The following EEA1 variants were observed in gnomAD, a reference collection of about 807,000 sequenced individuals.
EEA1 encodes the protein early endosome antigen 1, also known as early endosome antigen 1, 162kD.
A neutral mutation model predicts 209.2 loss-of-function variants in EEA1; 111 were observed. The observed-to-expected ratio is 0.53, with a 90% CI of 0.45 to 0.62. The LOEUF (loss-of-function observed/expected upper bound fraction) is 0.62. Among genes scored for constraint, EEA1 ranks in the 20% least tolerant of loss-of-function variants. The probability of loss-of-function intolerance (pLI) is 0.00; values close to 1 mark genes in which losing one functional copy is unlikely to be tolerated. For missense variants in EEA1, 1,343 were observed against 1,530.8 expected, an observed-to-expected ratio of 0.88 and a Z score of 2.05; for synonymous variants, 536 against 540.6, an observed-to-expected ratio of 0.99 and a Z score of 0.12.
chr12:92,814,630 T>A (rs939681060), intron 15 of EEA1, among the ~76,000 whole-genome samples: 2 of 152,178 alleles, frequency 1.3e-5, no homozygotes, highest in African/African-American at 4.8e-5. Flanking sequence ...TGGCTATTCA[T>A]ATAGCCAGCC....
intron 1 of EEA1, among the ~76,000 whole-genome samples, chr12:92,926,943 G>C (rs1428383123): frequency 6.6e-6 from 1 of 152,130 alleles, no homozygotes; most frequent in African/African-American, 2.4e-5. Context: ...CAAACAGCCT[G>C]TGAGTTCTAA....
chr12:92,867,405 C>A (rs1367602011), intron 2 of EEA1, among the ~76,000 whole-genome samples: 1 of 151,884 alleles, frequency 6.6e-6, no homozygotes, highest in Non-Finnish European at 1.5e-5. Context: ...CTATATTTTT[C>A]TATATTGTAT....
chr12:92,902,013 T>C (rs1880163817), intron 1 of EEA1, among the ~76,000 whole-genome samples: 1 of 152,136 alleles, frequency 6.6e-6, no homozygotes, highest in Non-Finnish European at 1.5e-5. Flanking sequence ...AAGAATGGGA[T>C]TGGAATGATT....
chr12:92,921,866 C>CAA lies in EEA1; in HGVS notation c.24+7175_24+7176dup, dbSNP rs756583756. On this transcript the variant is annotated intron_variant, in intron 1 of 28. Coordinates refer to ENST00000322349, the MANE Select transcript of EEA1 (RefSeq NM_003566.4). ...CTGGCGACAGAGCAAGACTCTGTCT[C>CAA]AAAAAAAAAAAAAAAAAAAAGAAAA... is the stretch of plus-strand genomic sequence containing the variant. Among the ~76,000 whole-genome samples the CAA allele has an allele frequency of 2.0e-3, 165 of 83,354 alleles. 4 individuals carry two copies. The highest frequency in any genetic ancestry group is 6.8e-3 in the Middle Eastern group (1 of 148). 54.7% of individuals were successfully genotyped at this position (83,354 alleles called of 152,430 possible). A position where few individuals can be genotyped will look rare whatever the true frequency, so the allele number is the denominator to read the frequency against.
intron 1 of EEA1, among the ~76,000 whole-genome samples, chr12:92,907,946 G>C (rs1880439742): frequency 6.6e-6 from 1 of 152,130 alleles, no homozygotes. Flanking sequence ...TCCAGCCTGG[G>C]TGACAGAGTG....
chr12:92,806,328 C>A (rs1328220625), intron 18 of EEA1, among the ~76,000 whole-genome samples: 2 of 151,966 alleles, frequency 1.3e-5, no homozygotes, highest in Non-Finnish European at 2.9e-5. Flanking sequence ...ACTACAGATC[C>A]TAACAGACCT....
chr12:92,808,417 G>C (rs539815143), intron 18 of EEA1, among the ~76,000 whole-genome samples: 2 of 151,670 alleles, frequency 1.3e-5, no homozygotes, highest in Non-Finnish European at 2.9e-5. Flanking sequence ...ACTGGTTTTT[G>C]TGTTTCCTTT....
At chr12:92,830,564 T>C (rs1592724765) in intron 11 of EEA1, among the ~76,000 whole-genome samples, 1 of 150,046 alleles carries the variant, frequency 6.7e-6, no homozygotes, top group African/African-American at 2.4e-5. Context: ...TCTATCAAGG[T>C]GAAGAGGAAT....
intron 1 of EEA1, among the ~76,000 whole-genome samples, chr12:92,911,399 A>T (rs1432657485): frequency 1.3e-5 from 2 of 152,238 alleles, no homozygotes; most frequent in African/African-American, 4.8e-5. Context: ...AATGCTACAT[A>T]CTGTAAGATT....
intron 13 of EEA1, among the ~76,000 whole-genome samples, chr12:92,821,905 C>CA (rs1330765271): frequency 2.7e-5 from 4 of 149,480 alleles, no homozygotes; most frequent in African/African-American, 9.8e-5. Context: ...TCGAATTTAA[C>CA]AAAAAAACCT....
chr12:92,874,832 A>G (rs550614334), intron 2 of EEA1, among the ~76,000 whole-genome samples: 1 of 152,382 alleles, frequency 6.6e-6, no homozygotes, highest in South Asian at 2.1e-4. Context: ...ATCACAAAAT[A>G]GCTAAAAGAC....
At chr12:92,783,580 A>C (rs1209589213) in intron 22 of EEA1, among the ~76,000 whole-genome samples, 2 of 152,204 alleles carry the variant, frequency 1.3e-5, no homozygotes, top group African/African-American at 4.8e-5. Flanking sequence ...AGAAGTAGTG[A>C]TTGTCATTTA....
chr12:92,784,201 G>A (rs1874027961), intron 22 of EEA1, among the ~76,000 whole-genome samples: 1 of 152,166 alleles, frequency 6.6e-6, no homozygotes, highest in Non-Finnish European at 1.5e-5. Flanking sequence ...TAAGGGAGTT[G>A]AGTACATCGC....
intron 3 of EEA1, among the ~76,000 whole-genome samples, chr12:92,860,744 G>GTTTA (rs1008667535): frequency 4.6e-5 from 7 of 152,100 alleles, no homozygotes; most frequent in African/African-American, 1.4e-4. Context: ...AAGCCAGCTT[G>GTTTA]TTTACATGCT....
chr12:92,794,123 GA>G (rs1337428872), intron 21 of EEA1, among the ~76,000 whole-genome samples: 1 of 152,122 alleles, frequency 6.6e-6, no homozygotes, highest in Non-Finnish European at 1.5e-5. Flanking sequence ...ACAGACACAG[GA>G]AAAAATGCTC....
intron 13 of EEA1, among the ~76,000 whole-genome samples, chr12:92,824,899 T>C (rs946267771): frequency 6.6e-6 from 1 of 152,208 alleles, no homozygotes; most frequent in Non-Finnish European, 1.5e-5. Context: ...GACTAGAAGT[T>C]AATAAATGTT....
At chr12:92,909,091 T>C (rs1389910517) in intron 1 of EEA1, among the ~76,000 whole-genome samples, 2 of 152,214 alleles carry the variant, frequency 1.3e-5, no homozygotes, top group Non-Finnish European at 2.9e-5. Flanking sequence ...ATTACAGGCA[T>C]GAGCCACCGC....
chr12:92,829,802 AAC>A, intron 11 of EEA1, among the ~76,000 whole-genome samples: 1 of 151,344 alleles, frequency 6.6e-6, no homozygotes, highest in Non-Finnish European at 1.5e-5. Flanking sequence ...AAAAACAAAA[AAC>A]AAGCCAAATG....
chr12:92,874,481 T>C (rs1041576559), intron 2 of EEA1, among the ~76,000 whole-genome samples: 1 of 152,244 alleles, frequency 6.6e-6, no homozygotes, highest in African/African-American at 2.4e-5. Context: ...TTCTCCTGCC[T>C]CAGCCTCCCG....
Sources: allele counts gnomAD v4.1 joint callset (sites outside exome capture counted in the v4.1 genomes callset), GRCh38; gene constraint gnomAD v4.1.1; transcripts MANE v1.5; gene names NCBI Gene and HGNC (gene_info 2026-07-23, HGNC 2026-07-21).